Variants in NEURL1 observed in about 807,000 individuals in gnomAD.
NEURL1 encodes the protein neuralized E3 ubiquitin protein ligase 1.
In NEURL1, 26 loss-of-function variants were observed where a neutral mutation model predicts 41.2. That is an observed-to-expected ratio of 0.63 (90% CI 0.46 to 0.87). NEURL1 has a LOEUF of 0.87. Among genes scored for constraint, NEURL1 ranks in the 40% least tolerant of loss-of-function variants. The pLI, the probability that NEURL1 is intolerant of heterozygous loss-of-function variation, is 0.00. For missense variants in NEURL1, 761 were observed against 871.1 expected, an observed-to-expected ratio of 0.87 and a Z score of 1.59; for synonymous variants, 400 against 402.3, an observed-to-expected ratio of 0.99 and a Z score of 0.07.
rs535567434 is a variant in NEURL1, at chr10:103,494,637, A to G, written c.85+165A>G. On this transcript the variant is annotated intron_variant, in intron 1 of 5. Transcript: ENST00000369780. ...TGGGGGTGGAGGGCAGCCGGCGATG[A>G]TGGTGATGGAGGATGGCGTCCCGCG... 3.2e-5 allele frequency: 20 copies of G among 615,792 alleles called. No homozygotes were observed. In the African/African-American group the frequency reaches 3.7e-4, roughly 11 times the overall value. The allele number at this position is 615,792 out of a possible 1,614,324, so 38.1% of individuals were successfully genotyped here.
chr10:103,537,392 C>T (rs186593286), intron 1 of NEURL1, among the ~76,000 whole-genome samples: 18 of 152,094 alleles, frequency 1.2e-4, no homozygotes, highest in Middle Eastern at 3.4e-3. Context: ...CTACTCCCTC[C>T]TCTCGCACTC....
chr10:103,535,346 T>C (rs970763160), intron 1 of NEURL1, among the ~76,000 whole-genome samples: 5 of 152,114 alleles, frequency 3.3e-5, no homozygotes, highest in African/African-American at 1.2e-4. Context: ...GATGTCTCAG[T>C]TCATTCACAG....
rs201432237 is a variant in NEURL1 at position 103,589,628 on chromosome 10, G to A, written c.1454G>A (p.Cys485Tyr). The part of the protein sequence containing the change: ...SRLSDPLLST[C>Y]SSGPLGSSAG... Reference sequence around the variant, plus strand: ...CTGTCTGACCCCTTGCTCAGCACGTGCAGCTCTGGCCCTCTGGGTAGCTCT... The same window carrying A: ...CTGTCTGACCCCTTGCTCAGCACGTACAGCTCTGGCCCTCTGGGTAGCTCT... Residue 485 changes from cysteine to tyrosine, a missense_variant, in exon 5 of 6, where the codon TGC (cysteine) becomes TAC (tyrosine). Cys to Tyr is a radical substitution (Grantham distance 194). This residue lies in a region of NEURL1 where 443 missense variants were observed against 408.1 expected (regional missense o/e 1.09). Coordinates refer to ENST00000369780, the MANE Select transcript of NEURL1 (RefSeq NM_004210.5). The A allele has an allele frequency of 3.1e-4, 508 of 1,613,440 alleles. 1 individual carries two copies. Among genetic ancestry groups the A allele is most frequent in the Non-Finnish European group, 4.1e-4 (486 of 1,179,714 alleles).
intron 1 of NEURL1, among the ~76,000 whole-genome samples, chr10:103,519,594 T>G (rs533861497): frequency 1.3e-5 from 2 of 152,194 alleles, no homozygotes; most frequent in Admixed American, 1.3e-4. Context: ...ATCTGAGGGC[T>G]GGTCGGGTCT....
chr10:103,585,217 G>T lies in NEURL1; in HGVS notation c.1331G>T (p.Arg444Leu). Residue 444 changes from arginine to leucine, a missense_variant, in exon 4 of 6, where the codon CGC becomes CTC. By Grantham distance (102) the Arg-to-Leu change is moderately radical (BLOSUM62 -2). This residue lies in a region of NEURL1 where 443 missense variants were observed against 408.1 expected (regional missense o/e 1.09). Coordinates refer to ENST00000369780, the MANE Select transcript of NEURL1 (RefSeq NM_004210.5). ...CTGCACGGGACCATCACGCAGATCC[G>T]CATCCTCGGTGAGTGCCCGCAGCTG... is the stretch of plus-strand genomic sequence containing the variant. ...FGLHGTITQI[R>L]ILGSTILAER... The T allele has an allele frequency of 6.5e-7, 1 of 1,532,744 alleles. No homozygotes were observed. The highest frequency in any genetic ancestry group is 1.2e-5 in the South Asian group (1 of 80,916). 94.9% of individuals were successfully genotyped at this position (1,532,744 alleles called of 1,614,324 possible). A position where few individuals can be genotyped will look rare whatever the true frequency, so the allele number is the denominator to read the frequency against.
At chr10:103,527,300 G>GTTT (rs201722753) in intron 1 of NEURL1, among the ~76,000 whole-genome samples, 7 of 138,094 alleles carry the variant, frequency 5.1e-5, no homozygotes, top group Non-Finnish European at 9.3e-5. Flanking sequence ...TTTTTTTTTG[G>GTTT]TTTTTTTTTT....
At chr10:103,506,022 A>G (rs997363031) in intron 1 of NEURL1, among the ~76,000 whole-genome samples, 11 of 152,102 alleles carry the variant, frequency 7.2e-5, no homozygotes, top group African/African-American at 2.7e-4. Flanking sequence ...AGAGGGAAGT[A>G]TGTCTGCTGG....
chr10:103,571,609 C>T lies in NEURL1; in HGVS notation c.436C>T (p.Leu146=). ...DSLPKYACPD[L]VSQSGFWAKA... ...GCTGCCCAAGTACGCCTGCCCCGAC[C>T]TGGTGTCCCAGAGTGGCTTCTGGGC... The change falls in exon 3 of 6, where the codon CTG becomes TTG. Residue 146 remains leucine (L), a synonymous_variant. Transcript: ENST00000369780. The T allele has an allele frequency of 6.2e-7, 1 of 1,614,174 alleles. No individual in the cohort carries two copies.
chr10:103,583,374 G>A (rs1209857653), intron 3 of NEURL1, among the ~76,000 whole-genome samples: 1 of 151,846 alleles, frequency 6.6e-6, no homozygotes, highest in Non-Finnish European at 1.5e-5. Context: ...ACATATAAAA[G>A]GTAAAAAACA....
chr10:103,583,634 AG>A (rs2035830328), intron 3 of NEURL1, among the ~76,000 whole-genome samples: 1 of 123,746 alleles, frequency 8.1e-6, no homozygotes, highest in South Asian at 2.9e-4. Flanking sequence ...TGAGCCTGGG[AG>A]GCGGAGGTTG....
chr10:103,511,880 A>G (rs1397908773), intron 1 of NEURL1: 1 of 152,262 alleles, frequency 6.6e-6, no homozygotes, highest in African/African-American at 2.4e-5. Context: ...TTTGAAATTA[A>G]TGCAAGAATG....
chr10:103,537,344 T>A (rs1399030494), intron 1 of NEURL1, among the ~76,000 whole-genome samples: 1 of 152,166 alleles, frequency 6.6e-6, no homozygotes, highest in Non-Finnish European at 1.5e-5. Context: ...GAGGAACTGA[T>A]TCATCTTAGT....
rs2036041143 is a variant in NEURL1, at chr10:103,591,332, AG to A, written c.*963del. 1 of 152,628 alleles carries A rather than the reference AG, an allele frequency of 6.6e-6. No homozygotes were observed. The highest frequency in any genetic ancestry group is 1.5e-5 in the Non-Finnish European group (1 of 68,114). The allele number at this position is 152,628 out of a possible 1,614,324, so 9.5% of individuals were successfully genotyped here. On this transcript the variant is annotated 3_prime_UTR_variant, in exon 6 of 6. Transcript: ENST00000369780. The stretch of plus-strand genomic sequence containing the variant: ...GCCTGTGGCACACCTGGGATGGGCC[AG>A]GGCCCTGGGTGGGGAGGTGTGGGTT...
At chr10:103,501,872 G>C (rs1032659423) in intron 1 of NEURL1, among the ~76,000 whole-genome samples, 4 of 152,110 alleles carry the variant, frequency 2.6e-5, no homozygotes. Flanking sequence ...GACCTCAGGA[G>C]GTCTGCCCGT....
chr10:103,555,651 T>C (rs2035136848), intron 1 of NEURL1, among the ~76,000 whole-genome samples: 1 of 152,050 alleles, frequency 6.6e-6, no homozygotes. Context: ...CTCCCACTGA[T>C]GGTGGGAGGT....
chr10:103,535,727 G>A (rs1320553883), intron 1 of NEURL1, among the ~76,000 whole-genome samples: 1 of 152,164 alleles, frequency 6.6e-6, no homozygotes, highest in Non-Finnish European at 1.5e-5. Context: ...CAGAAGGAGG[G>A]GTAGATGGAG....
chr10:103,592,464 T>G lies in NEURL1; in HGVS notation c.*2092T>G, dbSNP rs1416391005. 6.5e-6 allele frequency: 1 copy of G among 152,718 alleles called. No homozygotes were observed. The highest frequency in any genetic ancestry group is 1.5e-5 in the Non-Finnish European group (1 of 68,086). 9.5% of individuals were successfully genotyped at this position (152,718 alleles called of 1,614,324 possible). ...TGGGGAGAGGAAGCCATCATCTCATTACCTCTGTCAGTGCAGGGGTGGCTG... is the reference window on the plus strand; with the variant it reads ...TGGGGAGAGGAAGCCATCATCTCATGACCTCTGTCAGTGCAGGGGTGGCTG... On this transcript the variant is annotated 3_prime_UTR_variant, in exon 6 of 6. Transcript: ENST00000369780. The surrounding 1 kb of genome is among the most constrained non-coding windows in gnomAD (Gnocchi z 4.8).
intron 1 of NEURL1, among the ~76,000 whole-genome samples, chr10:103,569,388 G>A (rs7075137): frequency 0.013 from 2,047 of 152,302 alleles, 49 homozygotes; most frequent in African/African-American, 0.045. Flanking sequence ...ACACAGCAGG[G>A]GTGATTTTTC....
chr10:103,528,358 A>G (rs933971637), intron 1 of NEURL1, among the ~76,000 whole-genome samples: 2 of 152,002 alleles, frequency 1.3e-5, no homozygotes, highest in African/African-American at 4.8e-5. Flanking sequence ...CTGTCTCAAA[A>G]GAACAGAAAG....
Sources: allele counts gnomAD v4.1 joint callset (sites outside exome capture counted in the v4.1 genomes callset), GRCh38; gene constraint gnomAD v4.1.1; regional missense constraint gnomAD v4.1.1; non-coding constraint Gnocchi (gnomAD v3.1); transcripts MANE v1.5; gene names NCBI Gene and HGNC (gene_info 2026-07-23, HGNC 2026-07-21).